Variants in CD5 observed in about 807,000 individuals in gnomAD.
CD5 encodes CD5 molecule.
A neutral mutation model predicts 60.3 loss-of-function variants in CD5; 36 were observed. That is an observed-to-expected ratio of 0.60 (90% CI 0.46 to 0.79). The LOEUF is 0.79. CD5 is among the 30% of genes least tolerant of loss of function. The pLI is 0.00. For missense variants in CD5, 540 were observed against 630.6 expected, an observed-to-expected ratio of 0.86 and a Z score of 1.54; for synonymous variants, 230 against 257.6, an observed-to-expected ratio of 0.89 and a Z score of 1.03.
chr11:61,099,915 AC>A (rs1295065102), upstream of CD5, among the ~76,000 whole-genome samples: 3 of 151,892 alleles, frequency 2.0e-5, no homozygotes, highest in Non-Finnish European at 2.9e-5. Flanking sequence ...ACACACATCA[AC>A]ATGGAGATCA....
chr11:61,119,723 G>A, intron 5 of CD5, 148 bp downstream of exon 5: 2 of 630,176 alleles, frequency 3.2e-6, no homozygotes, highest in Non-Finnish European at 5.5e-6. Flanking sequence ...GCCTCTAAGA[G>A]GTAACAAGGG....
At chr11:61,109,861 A>C (rs1427186598) in intron 1 of CD5, among the ~76,000 whole-genome samples, 1 of 152,170 alleles carries the variant, frequency 6.6e-6, no homozygotes, top group African/African-American at 2.4e-5. Context: ...GTCTTCAGAG[A>C]ATTCTCATCC....
chr11:61,110,049 C>A (rs1860830484), intron 1 of CD5, among the ~76,000 whole-genome samples: 1 of 152,000 alleles, frequency 6.6e-6, no homozygotes, highest in Non-Finnish European at 1.5e-5. Context: ...AGCTGTAGAG[C>A]CCCCAGAGGG....
chr11:61,101,199 C>T (rs569368024), upstream of CD5, among the ~76,000 whole-genome samples: 16 of 107,900 alleles, frequency 1.5e-4, 4 homozygotes, highest in South Asian at 7.7e-3. Flanking sequence ...CACACACACA[C>T]ATCAACATGG....
At position 61,125,845 on chromosome 11, in the gene CD5, A is replaced by G; in HGVS notation, c.*2+4A>G. On this transcript the variant is annotated splice_donor_region_variant and intron_variant, in intron 10 of 10. Transcript: ENST00000347785. Reference sequence around the variant, plus strand: ...ATGGGGCTCAGAGGCTGTAAAGGTGAGCCCGTCTCCAGCCTGACCCCAGCA... The same window carrying G: ...ATGGGGCTCAGAGGCTGTAAAGGTGGGCCCGTCTCCAGCCTGACCCCAGCA... 6.3e-7 allele frequency: 1 copy of G among 1,598,586 alleles called. No homozygotes were observed. The highest frequency in any genetic ancestry group is 8.5e-7 in the Non-Finnish European group (1 of 1,170,252).
At chr11:61,115,178 T>C in intron 2 of CD5, 84 bp downstream of exon 2, 1 of 1,295,448 alleles carries the variant, frequency 7.7e-7, no homozygotes, top group South Asian at 1.3e-5. Context: ...GACCTCTCGA[T>C]GAAGCCATCA....
At position 61,125,163 on chromosome 11, in the gene CD5, C is replaced by T. The variant is rs375695766; in HGVS notation, c.1399+12C>T. 6.8e-6 allele frequency: 11 copies of T among 1,613,620 alleles called. No individual in the cohort carries two copies. The highest frequency in any genetic ancestry group is 4.5e-5 in the East Asian group (2 of 44,860). Reference sequence around the variant, plus strand: ...GTCAGCTTATCCAGGTAAGCACCAGCGGGTGCTCCCAGGCACGCAGGCAGG... The same window carrying T: ...GTCAGCTTATCCAGGTAAGCACCAGTGGGTGCTCCCAGGCACGCAGGCAGG... On this transcript the variant is annotated intron_variant, in intron 9 of 10. Coordinates refer to ENST00000347785, the MANE Select transcript of CD5 (RefSeq NM_014207.4).
intron 1 of CD5, among the ~76,000 whole-genome samples, chr11:61,108,449 T>A (rs1358159567): frequency 6.6e-6 from 1 of 152,192 alleles, no homozygotes; most frequent in Non-Finnish European, 1.5e-5. Context: ...GTTTTGCACA[T>A]AAAAGCCGCC....
intron 1 of CD5, among the ~76,000 whole-genome samples, chr11:61,109,931 C>T (rs758890379): frequency 6.6e-6 from 1 of 152,010 alleles, no homozygotes; most frequent in Non-Finnish European, 1.5e-5. Flanking sequence ...CATAGCACTT[C>T]CAGGCCTCGG....
chr11:61,100,784 A>T, upstream of CD5, among the ~76,000 whole-genome samples: 1 of 142,774 alleles, frequency 7.0e-6, no homozygotes, highest in African/African-American at 2.6e-5. Context: ...TCACAAACAC[A>T]CATCAACATG....
rs369225298 is a variant in CD5, at chr11:61,118,232, A to C, written c.152A>C (p.Tyr51Ser). 3 of 1,614,072 alleles carry C rather than the reference A, an allele frequency of 1.9e-6. No individual in the cohort carries two copies. In the African/African-American group the frequency reaches 4.0e-5, roughly 22 times the overall value. ...AAGTGCCAGGGCCAGCTGGAGGTCT[A>C]CCTCAAGGACGGATGGCACATGGTT... The part of the protein sequence containing the change: ...NSKCQGQLEV[Y>S]LKDGWHMVCS... The change falls in exon 3 of 11, where the codon TAC (tyrosine) becomes TCC (serine). Residue 51 changes from tyrosine to serine, a missense_variant. Transcript: ENST00000347785. The surrounding 1 kb of genome is among the most constrained non-coding windows in gnomAD (Gnocchi z 4.7).
chr11:61,116,222 T>TA (rs1276265674), intron 2 of CD5, among the ~76,000 whole-genome samples: 2 of 151,984 alleles, frequency 1.3e-5, no homozygotes, highest in Non-Finnish European at 2.9e-5. Flanking sequence ...CTCAAAAATT[T>TA]AAAAAAATAT....
chr11:61,112,348 T>C lies in CD5; in HGVS notation c.56-2708T>C, dbSNP rs2134599201. Among the ~76,000 whole-genome samples, 3 of 152,244 alleles carry C rather than the reference T, an allele frequency of 2.0e-5. 1 individual carries two copies. The South Asian group carries it at 6.2e-4, about 32-fold the overall frequency. On this transcript the variant is annotated intron_variant, in intron 1 of 10. Transcript: ENST00000347785. ...CCTGAGGCTGCCCTGCCCACTGCAA[T>C]AGATCAGATGATTGGCTGGGCGCGG...
upstream of CD5, among the ~76,000 whole-genome samples, chr11:61,101,824 T>C (rs71490306): frequency 7.1e-6 from 1 of 141,494 alleles, no homozygotes; most frequent in Non-Finnish European, 1.5e-5. Flanking sequence ...AGCTCACACA[T>C]ACACCTCAAC....
At chr11:61,122,447 T>C (rs1470099640) in intron 6 of CD5, among the ~76,000 whole-genome samples, 3 of 136,186 alleles carry the variant, frequency 2.2e-5, no homozygotes, top group African/African-American at 5.7e-5. Flanking sequence ...GGATGGATGG[T>C]TGGATGGATG....
At chr11:61,122,285 TGGA>T (rs1317545429) in intron 6 of CD5, among the ~76,000 whole-genome samples, 14 of 118,920 alleles carry the variant, frequency 1.2e-4, no homozygotes, top group African/African-American at 4.2e-4. Context: ...GATGGATGGA[TGGA>T]TTGGTGGGTG....
chr11:61,101,662 A>C (rs369647624), upstream of CD5, among the ~76,000 whole-genome samples: 56 of 151,670 alleles, frequency 3.7e-4, no homozygotes, highest in East Asian at 3.1e-3. Context: ...CATGGAGATC[A>C]CACACACATC....
chr11:61,109,078 C>G (rs1186623942), intron 1 of CD5, among the ~76,000 whole-genome samples: 1 of 152,212 alleles, frequency 6.6e-6, no homozygotes, highest in Non-Finnish European at 1.5e-5. Flanking sequence ...CCGCCCTGGG[C>G]TGAATTCTGG....
At chr11:61,109,791 G>T (rs1027623900) in intron 1 of CD5, among the ~76,000 whole-genome samples, 1 of 152,200 alleles carries the variant, frequency 6.6e-6, no homozygotes, top group African/African-American at 2.4e-5. Context: ...GCCTGGGTTT[G>T]CCCAGTCCAG....
Sources: allele counts gnomAD v4.1 joint callset (sites outside exome capture counted in the v4.1 genomes callset), GRCh38; gene constraint gnomAD v4.1.1; non-coding constraint Gnocchi (gnomAD v3.1); transcripts MANE v1.5; gene names NCBI Gene and HGNC (gene_info 2026-07-23, HGNC 2026-07-21).